CACNA1C: variants seen among roughly 807,000 people sequenced by gnomAD.
CACNA1C encodes voltage-dependent L-type calcium channel subunit alpha-1C.
A neutral mutation model predicts 229.0 loss-of-function variants in CACNA1C; 30 were observed. That is an observed-to-expected ratio of 0.13 (90% confidence interval 0.10 to 0.18). The LOEUF (loss-of-function observed/expected upper bound fraction) is 0.18. Ranked by LOEUF, CACNA1C falls within the 10% of genes least tolerant of loss-of-function variation. CACNA1C has a pLI of 1.00. For synonymous variants in CACNA1C, 1,114 were observed against 1,132.5 expected, an observed-to-expected ratio of 0.98 and a Z score of 0.33; for missense variants, 1,658 against 2,845.0, an observed-to-expected ratio of 0.58 and a Z score of 9.49.
chr12:2,454,662 C>CTTT (rs1197978888), intron 4 of CACNA1C, among the ~76,000 whole-genome samples: 3 of 152,198 alleles, frequency 2.0e-5, no homozygotes, highest in Non-Finnish European at 4.4e-5. Flanking sequence ...CAGACTCTCA[C>CTTT]TTTACACTCA....
At chr12:2,416,633 C>T (rs922818756) in intron 3 of CACNA1C, among the ~76,000 whole-genome samples, 2 of 152,172 alleles carry the variant, frequency 1.3e-5, no homozygotes, top group Non-Finnish European at 2.9e-5. Flanking sequence ...TCTGAGCCTG[C>T]AGTAAGATGT....
rs2097803608 is a variant in CACNA1C, at chr12:2,692,989, C to T, written c.*1790C>T. 2 of 152,596 alleles carry T rather than the reference C, an allele frequency of 1.3e-5. No individual in the cohort carries two copies. Among genetic ancestry groups the T allele is most frequent in the South Asian group, 4.1e-4 (2 of 4,832 alleles). The allele number at this position is 152,596 out of a possible 1,614,324, so 9.5% of individuals were successfully genotyped here. On this transcript the variant is annotated 3_prime_UTR_variant, in exon 47 of 47. Coordinates refer to ENST00000399655, the MANE Select transcript of CACNA1C (RefSeq NM_000719.7). ...CTATATGTGGTTGGGGGAAAGGGAA[C>T]AAGTTTTCTTTAGTTTGCACAATGA... is the stretch of plus-strand genomic sequence containing the variant.
At chr12:2,012,260 G>C (rs2044575974) in intron 1 of CACNA1C, among the ~76,000 whole-genome samples, 1 of 152,124 alleles carries the variant, frequency 6.6e-6, no homozygotes, top group Non-Finnish European at 1.5e-5. Context: ...TGAGATTTAA[G>C]AATATTTCCT....
intron 22 of CACNA1C, among the ~76,000 whole-genome samples, chr12:2,604,331 G>T (rs559003932): frequency 6.0e-4 from 92 of 152,264 alleles, no homozygotes; most frequent in African/African-American, 2.2e-3. Flanking sequence ...TTCTAAGGCC[G>T]TCGTTTCGGG....
At chr12:2,284,287 C>G (rs1280787900) in intron 3 of CACNA1C, among the ~76,000 whole-genome samples, 2 of 150,940 alleles carry the variant, frequency 1.3e-5, no homozygotes, top group African/African-American at 4.9e-5. Context: ...TAGAACAGAC[C>G]TCTAGATTTT....
chr12:2,100,506 A>T (rs961890973), intron 1 of CACNA1C, among the ~76,000 whole-genome samples: 1 of 141,152 alleles, frequency 7.1e-6, no homozygotes, highest in Non-Finnish European at 1.5e-5. Context: ...CAAAAATTGG[A>T]TGGGAGCCTG....
In CACNA1C at chr12:2,688,619, G is replaced by T; in HGVS notation, c.5957G>T (p.Ser1986Ile). ...GVESSEKLNS[S>I]FPSIHCGSWA... ...GAGTCCAGTGAGAAACTCAACAGCAGCTTCCCATCCATCCACTGCGGCTCC... is the reference window on the plus strand; with the variant it reads ...GAGTCCAGTGAGAAACTCAACAGCATCTTCCCATCCATCCACTGCGGCTCC... The change falls in exon 46 of 47, where the codon AGC (serine) becomes ATC (isoleucine). Residue 1986 changes from serine (S) to isoleucine (I), a missense_variant. Physicochemically the swap from Ser to Ile is moderately radical, Grantham distance 142 (BLOSUM62 -2). This residue lies in a region of CACNA1C where 590 missense variants were observed against 700.8 expected (regional missense o/e 0.84). Coordinates refer to ENST00000399655, the MANE Select transcript of CACNA1C (RefSeq NM_000719.7). 1.2e-6 allele frequency: 2 copies of T among 1,613,984 alleles called. No homozygotes were observed. Among genetic ancestry groups the T allele is most frequent in the Non-Finnish European group, 1.7e-6 (2 of 1,179,898 alleles).
chr12:2,472,510 G>A (rs2154568035), intron 5 of CACNA1C, among the ~76,000 whole-genome samples: 1 of 151,808 alleles, frequency 6.6e-6, no homozygotes, highest in African/African-American at 2.4e-5. Flanking sequence ...CTCCCTTTAA[G>A]ATCATATACT....
intron 9 of CACNA1C, among the ~76,000 whole-genome samples, chr12:2,527,531 G>T (rs1482968972): frequency 6.6e-6 from 1 of 152,150 alleles, no homozygotes; most frequent in Admixed American, 6.5e-5. Context: ...TCCACTGTCA[G>T]TTATTATGTT....
intron 3 of CACNA1C, among the ~76,000 whole-genome samples, chr12:2,427,741 C>T (rs2099046329): frequency 6.6e-6 from 1 of 152,184 alleles, no homozygotes; most frequent in African/African-American, 2.4e-5. Flanking sequence ...CCTGCCTCAG[C>T]CTCCCAAGTA....
At chr12:2,606,880 C>T in intron 25 of CACNA1C, 104 bp from the exon 26 acceptor site, 1 of 1,364,324 alleles carries the variant, frequency 7.3e-7, no homozygotes, top group Non-Finnish European at 1.0e-6. Flanking sequence ...CGGTGAAGTT[C>T]AAGCCAGGCA....
intron 34 of CACNA1C, chr12:2,660,951 C>T (rs2095686658): frequency 6.6e-6 from 1 of 152,030 alleles, no homozygotes; most frequent in Non-Finnish European, 1.5e-5. Context: ...CTGAGAGCTT[C>T]TGAGTCTATC....
At chr12:2,063,531 A>T (rs2058296750) in intron 1 of CACNA1C, among the ~76,000 whole-genome samples, 1 of 152,236 alleles carries the variant, frequency 6.6e-6, no homozygotes, top group Non-Finnish European at 1.5e-5. Flanking sequence ...AGACCTAGAT[A>T]GGTCATGACA....
intron 3 of CACNA1C, among the ~76,000 whole-genome samples, chr12:2,223,777 C>T (rs1034547582): frequency 1.3e-5 from 2 of 151,962 alleles, no homozygotes; most frequent in Non-Finnish European, 2.9e-5. Context: ...TGTTATACAT[C>T]GTAGAAAATG....
intron 3 of CACNA1C, among the ~76,000 whole-genome samples, chr12:2,324,958 A>G (rs146215869): frequency 8.2e-4 from 125 of 152,234 alleles, no homozygotes; most frequent in African/African-American, 2.8e-3. Context: ...ATTACTGTCC[A>G]TTTCCACAGA....
chr12:2,609,876 C>A (rs183341474), intron 27 of CACNA1C, among the ~76,000 whole-genome samples: 1 of 152,136 alleles, frequency 6.6e-6, no homozygotes, highest in African/African-American at 2.4e-5. Flanking sequence ...GTAATCCCAG[C>A]ACTTTGGGAG....
intron 3 of CACNA1C, among the ~76,000 whole-genome samples, chr12:2,335,149 A>G (rs1218693691): frequency 6.6e-6 from 1 of 152,116 alleles, no homozygotes; most frequent in Non-Finnish European, 1.5e-5. Flanking sequence ...CCAGCTGGCC[A>G]AAGTGTGACT....
At position 2,323,820 on chromosome 12, in the gene CACNA1C, C is replaced by G. The variant is rs1175590009; in HGVS notation, c.478-125156C>G. Among the ~76,000 whole-genome samples, 14 of 146,658 alleles carry G rather than the reference C, an allele frequency of 9.5e-5. No homozygotes were observed. The East Asian group carries it at 2.8e-3, about 29-fold the overall frequency. On this transcript the variant is annotated intron_variant, in intron 3 of 46. Transcript: ENST00000399655. ...TTGTGGGAGTCCGTGCAGGGAGGAGCTTTTGGTGGGGGAGGGGGTTGGGGC... is the reference window on the plus strand; with the variant it reads ...TTGTGGGAGTCCGTGCAGGGAGGAGGTTTTGGTGGGGGAGGGGGTTGGGGC...
rs2097796857 is a variant in CACNA1C at position 2,692,286 on chromosome 12, G to GTGAT, written c.*1088_*1091dup. ...ACTTGATGTGGTCTTGCACATGTGG[G>GTGAT]TGATAGAGTTGGGTTCCTTTTTATG... is the stretch of plus-strand genomic sequence containing the variant. On this transcript the variant is annotated 3_prime_UTR_variant, in exon 47 of 47. Coordinates refer to ENST00000399655, the MANE Select transcript of CACNA1C (RefSeq NM_000719.7). 6.7e-6 allele frequency: 1 copy of GTGAT among 150,100 alleles called. No homozygotes were observed. The highest frequency in any genetic ancestry group is 2.0e-4 in the East Asian group (1 of 5,042). 9.3% of individuals were successfully genotyped at this position (150,100 alleles called of 1,614,324 possible).
Sources: gnomAD v4.1 joint callset for allele counts (sites outside exome capture counted in the v4.1 genomes callset) on GRCh38, gnomAD v4.1.1 for gene constraint, gnomAD v4.1.1 regional missense constraint, MANE v1.5 for transcripts, NCBI Gene and HGNC (gene_info 2026-07-23, HGNC 2026-07-21) for gene names.